The following RSPH14 variants were observed in gnomAD, a reference collection of about 807,000 sequenced individuals.
RSPH14 encodes the protein rhabdoid tumor deletion region gene 1.
Under a neutral mutation model 26.7 loss-of-function variants are expected in RSPH14, and 20 were observed. The observed-to-expected ratio is 0.75, with a 90% CI of 0.53 to 1.09. The LOEUF is 1.09. Among genes scored for constraint, RSPH14 ranks in the 50% least tolerant of loss-of-function variants. The pLI is 0.00. For missense variants in RSPH14, 449 were observed against 457.2 expected, an observed-to-expected ratio of 0.98 and a Z score of 0.16; for synonymous variants, 177 against 189.3, an observed-to-expected ratio of 0.93 and a Z score of 0.53.
chr22:23,109,694 A>T (rs1355650394), intron 4 of RSPH14, among the ~76,000 whole-genome samples: 1 of 152,220 alleles, frequency 6.6e-6, no homozygotes, highest in East Asian at 1.9e-4. Flanking sequence ...AGCATCTCAG[A>T]TGCTCACAGA....
upstream of RSPH14, chr22:23,145,691 G>A (rs2070726629): frequency 9.2e-7 from 1 of 1,081,260 alleles, no homozygotes; most frequent in South Asian, 1.6e-5. Flanking sequence ...GCGGCCCCGG[G>A]GCGTCCTCAT....
In RSPH14 at chr22:23,065,489, T is replaced by A. The variant is rs540126177; in HGVS notation, c.422-1356A>T. On this transcript the variant is annotated intron_variant, in intron 4 of 6. Transcript: ENST00000216036. ...ACCACCCAGGAAAAGTGGGTTCCTGTTGCTTCTACTGTGTTGGCCTTTTTT... is the reference window on the plus strand; with the variant it reads ...ACCACCCAGGAAAAGTGGGTTCCTGATGCTTCTACTGTGTTGGCCTTTTTT... Among the ~76,000 whole-genome samples the A allele has an allele frequency of 2.1e-5, 3 of 145,822 alleles. No individual in the cohort carries two copies. The South Asian group carries it at 6.5e-4, about 32-fold the overall frequency.
rs759792110 is a variant in RSPH14 at position 23,059,484 on chromosome 22, C to T, written c.1025G>A (p.Ser342Asn). The part of the protein sequence containing the change: ...ALQRAARIAI[S>N]VIEFKP ...GGCTCAGGGTTTGAACTCGATGACACTGATGGCGATCCGGGCTGCCCGCTG... is the reference window on the plus strand; with the variant it reads ...GGCTCAGGGTTTGAACTCGATGACATTGATGGCGATCCGGGCTGCCCGCTG... The change falls in exon 7 of 7, where the codon AGT becomes AAT. Residue 342 changes from serine (S) to asparagine (N), a missense_variant. Ser to Asn is a conservative substitution (Grantham distance 46). Coordinates refer to ENST00000216036, the MANE Select transcript of RSPH14 (RefSeq NM_014433.3). The T allele has an allele frequency of 5.6e-6, 9 of 1,611,820 alleles. No homozygotes were observed. Among genetic ancestry groups the T allele is most frequent in the Non-Finnish European group, 7.6e-6 (9 of 1,178,556 alleles).
intron 4 of RSPH14, among the ~76,000 whole-genome samples, chr22:23,087,512 C>T (rs894918239): frequency 3.9e-5 from 6 of 152,194 alleles, no homozygotes; most frequent in Non-Finnish European, 8.8e-5. Flanking sequence ...GCTGCCTAGA[C>T]AGAGCCGATT....
chr22:23,120,790 G>A (rs2069998771), intron 4 of RSPH14, among the ~76,000 whole-genome samples: 1 of 152,118 alleles, frequency 6.6e-6, no homozygotes, highest in South Asian at 2.1e-4. Flanking sequence ...TGCAGCCCCA[G>A]GACTCCCACC....
chr22:23,092,289 T>C (rs1298065230), intron 4 of RSPH14, among the ~76,000 whole-genome samples: 2 of 152,156 alleles, frequency 1.3e-5, no homozygotes, highest in Non-Finnish European at 2.9e-5. Flanking sequence ...GGGACTGTCA[T>C]AAGGTCCCAT....
Position 23,063,945 on chromosome 22 carries a change from G to A in RSPH14, c.610C>T (p.Gln204Ter). The A allele has an allele frequency of 6.2e-7, 1 of 1,614,194 alleles. No homozygotes were observed. The highest frequency in any genetic ancestry group is 8.5e-7 in the Non-Finnish European group (1 of 1,180,028). Residue 204 changes from glutamine to a stop codon, truncating the protein, a stop_gained, in exon 5 of 7, where the codon CAG becomes TAG. Coordinates refer to ENST00000216036, the MANE Select transcript of RSPH14 (RefSeq NM_014433.3). LOFTEE classifies it high-confidence loss of function. ...VLKQKLLSAN[Q>*]NIRSKAARAL... ...CGGGCGGCCTTGCTGCGGATGTTCTGGTTGGCGCTGAGGAGCTTCTGCTTC... is the reference window on the plus strand; with the variant it reads ...CGGGCGGCCTTGCTGCGGATGTTCTAGTTGGCGCTGAGGAGCTTCTGCTTC...
chr22:23,170,181 A>G, the RSPH14 span, among the ~76,000 whole-genome samples: 1 of 152,184 alleles, frequency 6.6e-6, no homozygotes, highest in Non-Finnish European at 1.5e-5. Context: ...GACATGGCCC[A>G]GAAATATACC....
At chr22:23,147,262 A>G (rs1037686636), upstream of RSPH14, among the ~76,000 whole-genome samples, 18 of 152,210 alleles carry the variant, frequency 1.2e-4, no homozygotes, top group African/African-American at 3.4e-4. Context: ...TACAACCTCC[A>G]TAGGGGGCAG....
intron 4 of RSPH14, among the ~76,000 whole-genome samples, chr22:23,116,006 T>G (rs1219908451): frequency 6.6e-6 from 1 of 152,240 alleles, no homozygotes; most frequent in Non-Finnish European, 1.5e-5. Flanking sequence ...GCCGCGCATG[T>G]GCCAGATGGG....
intron 4 of RSPH14, among the ~76,000 whole-genome samples, chr22:23,080,241 G>A (rs2068637720): frequency 6.6e-6 from 1 of 152,214 alleles, no homozygotes; most frequent in Non-Finnish European, 1.5e-5. Context: ...TGTTCCTCAG[G>A]CGACACTATC....
chr22:23,078,926 C>A (rs2068589608), intron 4 of RSPH14, among the ~76,000 whole-genome samples: 1 of 152,178 alleles, frequency 6.6e-6, no homozygotes, highest in South Asian at 2.1e-4. Context: ...TGTGCGTCTA[C>A]CCGTGTCCAC....
At chr22:23,067,263 A>G (rs2068232797) in intron 4 of RSPH14, among the ~76,000 whole-genome samples, 1 of 151,784 alleles carries the variant, frequency 6.6e-6, no homozygotes, top group African/African-American at 2.4e-5. Flanking sequence ...TTGAGGGGCC[A>G]CTCCTCAGCC....
At chr22:23,068,243 A>T (rs1482674941) in intron 4 of RSPH14, among the ~76,000 whole-genome samples, 1 of 152,124 alleles carries the variant, frequency 6.6e-6, no homozygotes, top group Non-Finnish European at 1.5e-5. Flanking sequence ...CACGCCTGCT[A>T]TGGCCTCATT....
At chr22:23,098,805 G>A (rs753251973) in intron 4 of RSPH14, among the ~76,000 whole-genome samples, 30 of 152,260 alleles carry the variant, frequency 2.0e-4, no homozygotes, top group African/African-American at 5.3e-4. Context: ...GGCTGGCCCC[G>A]GAGGTGAGCT....
the RSPH14 span, among the ~76,000 whole-genome samples, chr22:23,178,904 G>A: frequency 6.6e-6 from 1 of 152,186 alleles, no homozygotes; most frequent in Non-Finnish European, 1.5e-5. Flanking sequence ...AGGGAAGCCT[G>A]GAAATCTGAG....
chr22:23,117,842 A>G (rs966126208), intron 4 of RSPH14, among the ~76,000 whole-genome samples: 1 of 152,212 alleles, frequency 6.6e-6, no homozygotes, highest in Admixed American at 6.5e-5. Context: ...TTGTGTCACC[A>G]GGAGAACCTT....
chr22:23,068,530 CCTCT>C (rs1304016713), intron 4 of RSPH14, among the ~76,000 whole-genome samples: 1 of 152,180 alleles, frequency 6.6e-6, no homozygotes, highest in African/African-American at 2.4e-5. Context: ...GTGAGATGTC[CCTCT>C]CTTACTTTGA....
At chr22:23,096,492 G>A (rs992264444) in intron 4 of RSPH14, 17 of 1,431,408 alleles carry the variant, frequency 1.2e-5, no homozygotes, top group Non-Finnish European at 1.6e-5. Context: ...GACTCGTGAG[G>A]TCCAGGACAG....
Sources: gnomAD v4.1 joint callset for allele counts (sites outside exome capture counted in the v4.1 genomes callset) on GRCh38, gnomAD v4.1.1 for gene constraint, MANE v1.5 for transcripts, NCBI Gene and HGNC (gene_info 2026-07-23, HGNC 2026-07-21) for gene names.